The following PRMT7 variants were observed in gnomAD, a reference collection of about 807,000 sequenced individuals.
PRMT7 encodes protein arginine methyltransferase 7.
A neutral mutation model predicts 85.4 loss-of-function variants in PRMT7; 75 were observed. The ratio of observed to expected loss-of-function variants is 0.88; its 90% CI spans 0.73 to 1.06. The LOEUF is 1.06. Among genes scored for constraint, PRMT7 ranks in the 50% least tolerant of loss-of-function variants. PRMT7 has a pLI of 0.00. For missense variants in PRMT7, 868 were observed against 915.2 expected (o/e 0.95, Z 0.67); for synonymous variants, 397 against 359.5 (o/e 1.10, Z -1.18).
chr16:68,318,331 C>T (rs921309110), intron 3 of PRMT7, among the ~76,000 whole-genome samples: 5 of 151,776 alleles, frequency 3.3e-5, no homozygotes, highest in Admixed American at 2.0e-4. Context: ...TCTTGAGTAG[C>T]TGGGACTACA....
chr16:68,339,370 G>T lies in PRMT7; in HGVS notation c.553G>T (p.Val185Leu), dbSNP rs1293882145. The T allele has an allele frequency of 6.2e-7, 1 of 1,614,184 alleles. No individual in the cohort carries two copies. Among genetic ancestry groups the T allele is most frequent in the Admixed American group, 1.7e-5 (1 of 60,026 alleles). ...CAGAGCCACCGTCTATGCACAGCTG[G>T]TGGAGTCCGGGAGGATGTGGTCGTG... ...PHRATVYAQL[V>L]ESGRMWSWNK... Residue 185 changes from valine (V) to leucine (L), a missense_variant, in exon 8 of 19, where the codon GTG (valine) becomes TTG (leucine). Transcript: ENST00000441236.
Position 68,347,433 on chromosome 16 carries a change from G to C in PRMT7, c.1275+139G>C. On this transcript the variant is annotated intron_variant, in intron 12 of 18. Coordinates refer to ENST00000441236, the MANE Select transcript of PRMT7 (RefSeq NM_019023.5). ...GCACAGCATGCTCGGGTCAGGGGCTGGGGGGTTTATTGCCTGTGCGTGCAG... is the reference window on the plus strand; with the variant it reads ...GCACAGCATGCTCGGGTCAGGGGCTCGGGGGTTTATTGCCTGTGCGTGCAG... 2.8e-6 allele frequency: 3 copies of C among 1,065,170 alleles called. No homozygotes were observed. In the South Asian group the frequency reaches 4.8e-5, roughly 17 times the overall value. The allele number at this position is 1,065,170 out of a possible 1,614,324, so 66.0% of individuals were successfully genotyped here. A position where few individuals can be genotyped will look rare whatever the true frequency, so the allele number is the denominator to read the frequency against.
rs1468183023 is a variant in PRMT7, at chr16:68,345,434, ACT to A, written c.928-238_928-237del. ...CTGCACTTGTCCCCTCCCCTGAGCC[ACT>A]CTGGCAGATTGCTGCTCTTGGCCAC... On this transcript the variant is annotated intron_variant, in intron 9 of 18. Coordinates refer to ENST00000441236, the MANE Select transcript of PRMT7 (RefSeq NM_019023.5). Among the ~76,000 whole-genome samples, 5 of 152,216 alleles carry A rather than the reference ACT, an allele frequency of 3.3e-5. No homozygotes were observed. In the East Asian group the frequency reaches 9.7e-4, roughly 29 times the overall value.
rs577556654 is a variant in PRMT7, at chr16:68,320,017, C to A, written c.96-1409C>A. Among the ~76,000 whole-genome samples, 10 of 152,160 alleles carry A rather than the reference C, an allele frequency of 6.6e-5. No individual in the cohort carries two copies. The South Asian group carries it at 2.1e-3, about 32-fold the overall frequency. ...CCCTGATGATGTTAAGTGAACGTGC[C>A]CAGTGGGGTACCTGTCACATATACA... On this transcript the variant is annotated intron_variant, in intron 3 of 18. Transcript: ENST00000441236.
chr16:68,337,633 C>T (rs1420429618), intron 7 of PRMT7, 62 bp downstream of exon 7: 3 of 1,137,428 alleles, frequency 2.6e-6, no homozygotes, highest in Non-Finnish European at 2.6e-6. Flanking sequence ...ATAGCACTCA[C>T]TCATGCACCG....
Position 68,315,908 on chromosome 16 carries a change from T to A in PRMT7, c.-72T>A. Reference sequence around the variant, plus strand: ...TCTGATGTTAATAGATTTCTGACAGTCAGACTTGTCCACAAGAACTCAACT... The same window carrying A: ...TCTGATGTTAATAGATTTCTGACAGACAGACTTGTCCACAAGAACTCAACT... On this transcript the variant is annotated 5_prime_UTR_variant, in exon 3 of 19. Transcript: ENST00000441236. 1.6e-6 allele frequency: 2 copies of A among 1,248,440 alleles called. No homozygotes were observed. The highest frequency in any genetic ancestry group is 2.5e-5 in the South Asian group (2 of 81,216). The allele number at this position is 1,248,440 out of a possible 1,614,324, so 77.3% of individuals were successfully genotyped here.
intron 1 of PRMT7, 42 bp downstream of exon 1, chr16:68,311,141 G>A: frequency 1.5e-6 from 1 of 662,020 alleles, no homozygotes; most frequent in Non-Finnish European, 2.8e-6. Flanking sequence ...TCGCTTTGGG[G>A]TTCTGTGTGC....
intron 14 of PRMT7, chr16:68,351,286 C>T (rs968245619): frequency 6.6e-6 from 1 of 152,304 alleles, no homozygotes; most frequent in Non-Finnish European, 1.5e-5. Context: ...TGGGCCTGCC[C>T]AGGGTCGGCT....
Position 68,355,830 on chromosome 16 carries a change from G to A in PRMT7, c.1758G>A (p.Gln586=), listed in dbSNP as rs779107831. The change falls in exon 17 of 19, where the codon CAG becomes CAA. Residue 586 remains glutamine, a synonymous_variant. Transcript: ENST00000441236. ...EPWQILTFDF[Q]QPVPLQPLCA... ...GGCAGATCCTGACCTTTGACTTCCA[G>A]CAGCCGGTGCCCCTGCAGCCCCTGT... The A allele has an allele frequency of 4.3e-6, 7 of 1,610,028 alleles. No homozygotes were observed. In the East Asian group the frequency reaches 1.3e-4, roughly 31 times the overall value.
intron 6 of PRMT7, among the ~76,000 whole-genome samples, chr16:68,333,759 CAT>C (rs1302342951): frequency 6.6e-6 from 1 of 152,012 alleles, no homozygotes; most frequent in East Asian, 1.9e-4. Flanking sequence ...CCAGGCCCCT[CAT>C]ATGATTTCTT....
At chr16:68,352,435 A>G in intron 15 of PRMT7, 26 bp downstream of exon 15, 2 of 1,572,858 alleles carry the variant, frequency 1.3e-6, no homozygotes, top group Non-Finnish European at 1.7e-6. Flanking sequence ...GATGTTGGAG[A>G]AAAAAGCAGA....
At chr16:68,353,215 G>T (rs1054477409) in intron 15 of PRMT7, among the ~76,000 whole-genome samples, 1 of 152,154 alleles carries the variant, frequency 6.6e-6, no homozygotes, top group Non-Finnish European at 1.5e-5. Context: ...TGATGTTCAG[G>T]ATGGCCCGGA....
intron 12 of PRMT7, 97 bp from the exon 13 acceptor site, chr16:68,347,534 T>C: frequency 7.4e-7 from 1 of 1,346,288 alleles, no homozygotes; most frequent in Non-Finnish European, 1.1e-6. Context: ...TGTTCAGGTG[T>C]GTCCTCTGTC....
rs761252569 is a variant in PRMT7, at chr16:68,348,394, C to G, written c.1376C>G (p.Pro459Arg). 1.9e-6 allele frequency: 3 copies of G among 1,612,724 alleles called. No homozygotes were observed. The highest frequency in any genetic ancestry group is 4.5e-5 in the East Asian group (2 of 44,872). The change falls in exon 14 of 19, where the codon CCG becomes CGG. Residue 459 changes from proline to arginine, a missense_variant. Transcript: ENST00000441236. Reference sequence around the variant, plus strand: ...AAAATTAACATCATAGAGAAACGGCCGGAATTATTAACAAATGAGGACCTA... The same window carrying G: ...AAAATTAACATCATAGAGAAACGGCGGGAATTATTAACAAATGAGGACCTA... ...EDKINIIEKRPELLTNEDLQG... is the reference protein window; with the variant it reads ...EDKINIIEKRRELLTNEDLQG...
Position 68,337,635 on chromosome 16 carries a change from C to A in PRMT7, c.504+64C>A, listed in dbSNP as rs577013607. The A allele has an allele frequency of 2.8e-5, 31 of 1,113,186 alleles. No homozygotes were observed. The Admixed American group carries it at 3.2e-4, about 12-fold the overall frequency. The allele number at this position is 1,113,186 out of a possible 1,614,324, so 69.0% of individuals were successfully genotyped here. A position where few individuals can be genotyped will look rare whatever the true frequency, so the allele number is the denominator to read the frequency against. Reference sequence around the variant, plus strand: ...TCAGCCAGCTCACATAGCACTCACTCATGCACCGTGTCCCACACAGCCCAA... The same window carrying A: ...TCAGCCAGCTCACATAGCACTCACTAATGCACCGTGTCCCACACAGCCCAA... On this transcript the variant is annotated intron_variant, in intron 7 of 18. Transcript: ENST00000441236.
intron 16 of PRMT7, among the ~76,000 whole-genome samples, chr16:68,353,821 T>G (rs1268097710): frequency 1.3e-5 from 2 of 152,192 alleles, no homozygotes; most frequent in Non-Finnish European, 2.9e-5. Context: ...GCCCACAGCT[T>G]CTTTTCTAGT....
intron 16 of PRMT7, 22 bp downstream of exon 16, chr16:68,353,588 A>G (rs2087756402): frequency 1.3e-6 from 2 of 1,551,544 alleles, no homozygotes; most frequent in East Asian, 2.4e-5. Context: ...CACACTCTGC[A>G]TAGTACCCCC....
intron 6 of PRMT7, among the ~76,000 whole-genome samples, chr16:68,335,753 T>G (rs1168052706): frequency 6.6e-6 from 1 of 151,638 alleles, no homozygotes; most frequent in East Asian, 1.9e-4. Context: ...CTGTCTCTGT[T>G]GTGCTCTTCT....
chr16:68,331,984 A>C (rs1338217755), intron 6 of PRMT7, among the ~76,000 whole-genome samples: 1 of 151,846 alleles, frequency 6.6e-6, no homozygotes, highest in Non-Finnish European at 1.5e-5. Context: ...TTCCTTCTTC[A>C]CATGTCTAAC....
Sources: gnomAD v4.1 joint callset for allele counts (sites outside exome capture counted in the v4.1 genomes callset) on GRCh38, gnomAD v4.1.1 for gene constraint, MANE v1.5 for transcripts, NCBI Gene and HGNC (gene_info 2026-07-23, HGNC 2026-07-21) for gene names.